The following SYT12 variants were observed in gnomAD, a reference collection of about 807,000 sequenced individuals.
SYT12 encodes the protein synaptotagmin-12.
SYT12 carries 27 observed loss-of-function variants against 39.5 expected under a neutral mutation model. The ratio of observed to expected loss-of-function variants is 0.68; its 90% CI spans 0.50 to 0.94. The LOEUF (loss-of-function observed/expected upper bound fraction) is 0.94. SYT12 is among the 40% of genes least tolerant of loss of function. SYT12 has a pLI of 0.00. For synonymous variants in SYT12, 233 were observed against 239.7 expected, an observed-to-expected ratio of 0.97 and a Z score of 0.26; for missense variants, 536 against 572.6, an observed-to-expected ratio of 0.94 and a Z score of 0.65.
chr11:67,040,337 G>A (rs1426334920), intron 4 of SYT12, 134 bp downstream of exon 4: 33 of 1,267,330 alleles, frequency 2.6e-5, no homozygotes, highest in Non-Finnish European at 3.5e-5. Context: ...TCCCAGAGCT[G>A]AAGCTTCAGA....
At chr11:67,016,919 A>T (rs1950063410) in intron 3 of SYT12, among the ~76,000 whole-genome samples, 1 of 152,212 alleles carries the variant, frequency 6.6e-6, no homozygotes, top group Non-Finnish European at 1.5e-5. Context: ...GCTGTTGAGG[A>T]TTACATGAGG....
chr11:67,044,619 G>C lies in SYT12; in HGVS notation c.864G>C (p.Leu288=), dbSNP rs1022231324. ...NKAADAVGEI[L]LSLSYLPTAE... ...CCGCCGATGCTGTGGGGGAGATCCT[G>C]CTCTCCCTCAGCTACCTCCCCACAG... The change falls in exon 6 of 8, where the codon CTG becomes CTC. Residue 288 remains leucine (L), a synonymous_variant. Transcript: ENST00000527043. 1.2e-6 allele frequency: 2 copies of C among 1,613,150 alleles called. No individual in the cohort carries two copies. The highest frequency in any genetic ancestry group is 1.7e-6 in the Non-Finnish European group (2 of 1,179,934).
In SYT12 at chr11:67,030,103, A is replaced by G; in HGVS notation, c.-23-19A>G. The G allele has an allele frequency of 6.2e-7, 1 of 1,612,098 alleles. No homozygotes were observed. Among genetic ancestry groups the G allele is most frequent in the Admixed American group, 1.7e-5 (1 of 59,946 alleles). Reference sequence around the variant, plus strand: ...TGACTCTCTGCAGCCCTCTCCTCTCACTCTCTTTTCCCTTCCAGTCACAGT... The same window carrying G: ...TGACTCTCTGCAGCCCTCTCCTCTCGCTCTCTTTTCCCTTCCAGTCACAGT... On this transcript the variant is annotated intron_variant, in intron 1 of 7. Transcript: ENST00000527043.
intron 2 of SYT12, chr11:67,030,687 G>GA (rs1367428030): frequency 9.9e-5 from 15 of 151,812 alleles, no homozygotes; most frequent in Non-Finnish European, 1.9e-4. Flanking sequence ...CGTCTCATCA[G>GA]AAAAAAAAAG....
intron 7 of SYT12, 109 bp from the exon 8 acceptor site, chr11:67,048,475 C>A: frequency 1.7e-6 from 2 of 1,184,610 alleles, no homozygotes; most frequent in Non-Finnish European, 2.4e-6. Context: ...ATTCAGGGAG[C>A]TGTGCCTGGC....
rs150066386 is a variant in SYT12 at position 67,034,926 on chromosome 11, C to T, written c.228+88C>T. ...GATCAGTCTTCAGCCCCTCTCCCTC[C>T]GTCACCACCTCCTCCTGGTTAATGT... On this transcript the variant is annotated intron_variant, in intron 3 of 7. Transcript: ENST00000527043. 2.0e-4 allele frequency: 198 copies of T among 1,014,922 alleles called. 1 individual carries two copies. In the Middle Eastern group the frequency reaches 4.2e-3, roughly 21 times the overall value. 62.9% of individuals were successfully genotyped at this position (1,014,922 alleles called of 1,614,324 possible).
chr11:67,020,707 G>A (rs1950100218), upstream of SYT12, among the ~76,000 whole-genome samples: 1 of 152,110 alleles, frequency 6.6e-6, no homozygotes, highest in Non-Finnish European at 1.5e-5. Context: ...TCCAGCTTCT[G>A]TTGCTCAGCA....
intron 2 of SYT12, 96 bp from the exon 3 acceptor site, chr11:67,034,549 A>G (rs1950323114): frequency 9.0e-7 from 1 of 1,115,740 alleles, no homozygotes; most frequent in South Asian, 1.6e-5. Context: ...TAGGCATTCA[A>G]TAAATATCCA....
At chr11:67,018,045 T>C (rs1346296327) in intron 3 of SYT12, among the ~76,000 whole-genome samples, 1 of 150,796 alleles carries the variant, frequency 6.6e-6, no homozygotes, top group Non-Finnish European at 1.5e-5. Context: ...GTGGATCACT[T>C]AAGGTCAGAA....
chr11:67,038,807 T>C (rs996633176), intron 3 of SYT12, among the ~76,000 whole-genome samples: 22 of 146,794 alleles, frequency 1.5e-4, no homozygotes, highest in African/African-American at 4.3e-4. Flanking sequence ...GCCAACATAC[T>C]GAAACCCTGT....
At chr11:67,015,171 C>T (rs1365941040) in intron 3 of SYT12, among the ~76,000 whole-genome samples, 2 of 152,156 alleles carry the variant, frequency 1.3e-5, no homozygotes, top group African/African-American at 2.4e-5. Flanking sequence ...CTTAAGCTTC[C>T]CCCAACCAAG....
chr11:67,040,264 A>G, intron 4 of SYT12, 61 bp downstream of exon 4: 1 of 1,521,568 alleles, frequency 6.6e-7, no homozygotes, highest in Non-Finnish European at 8.8e-7. Flanking sequence ...CCTCCCAGGC[A>G]GGCATGGCGG....
At chr11:67,042,941 G>C (rs1346494741) in intron 4 of SYT12, among the ~76,000 whole-genome samples, 1 of 152,198 alleles carries the variant, frequency 6.6e-6, no homozygotes, top group African/African-American at 2.4e-5. Flanking sequence ...AATCCCACCA[G>C]GGGGTGCTGC....
chr11:67,009,940 A>C (rs1193836097), exon 2 of SYT12: 2 of 152,368 alleles, frequency 1.3e-5, no homozygotes, highest in African/African-American at 4.8e-5. Context: ...TGAAGAGTTT[A>C]CATCCTCTGG....
chr11:67,042,979 A>G (rs1214816593), intron 4 of SYT12, among the ~76,000 whole-genome samples: 1 of 152,184 alleles, frequency 6.6e-6, no homozygotes, highest in East Asian at 1.9e-4. Context: ...CCCCAGCCTC[A>G]GGCAGGGTCC....
At chr11:67,025,935 A>G (rs1282217664) in intron 1 of SYT12, among the ~76,000 whole-genome samples, 2 of 152,056 alleles carry the variant, frequency 1.3e-5, no homozygotes, top group East Asian at 3.9e-4. Flanking sequence ...CAGCTCTACC[A>G]CCGCTGGCTG....
rs553624813 is a variant in SYT12, at chr11:67,042,244, T to C, written c.622-1394T>C. 1.3e-4 allele frequency among the ~76,000 whole-genome samples: 20 copies of C among 152,274 alleles called. No individual in the cohort carries two copies. In the South Asian group the frequency reaches 4.1e-3, roughly 32 times the overall value. On this transcript the variant is annotated intron_variant, in intron 4 of 7. Transcript: ENST00000527043. Reference sequence around the variant, plus strand: ...ATTGAGGAAGAGATGGGTTAATGTATGTGAAGTTCTTAGCCCAGCCTGGGT... The same window carrying C: ...ATTGAGGAAGAGATGGGTTAATGTACGTGAAGTTCTTAGCCCAGCCTGGGT...
chr11:67,036,230 C>T (rs1395176574), intron 3 of SYT12, among the ~76,000 whole-genome samples: 1 of 152,072 alleles, frequency 6.6e-6, no homozygotes, highest in Non-Finnish European at 1.5e-5. Flanking sequence ...CTCTTTTCAC[C>T]TCCCTTGTAG....
rs558065570 is a variant in SYT12, at chr11:67,034,869, G to A, written c.228+31G>A. 3.6e-5 allele frequency: 54 copies of A among 1,481,752 alleles called. No individual in the cohort carries two copies. In the East Asian group the frequency reaches 1.3e-3, roughly 35 times the overall value. The allele number at this position is 1,481,752 out of a possible 1,614,324, so 91.8% of individuals were successfully genotyped here. ...GCTTCTGCTCCTGCAGGTGCACAGC[G>A]AGTGCAACCCCATGCCCCTACCATC... On this transcript the variant is annotated intron_variant, in intron 3 of 7. Coordinates refer to ENST00000527043, the MANE Select transcript of SYT12 (RefSeq NM_177963.4).
Sources: gnomAD v4.1 joint callset for allele counts (sites outside exome capture counted in the v4.1 genomes callset) on GRCh38, gnomAD v4.1.1 for gene constraint, MANE v1.5 for transcripts, NCBI Gene and HGNC (gene_info 2026-07-23, HGNC 2026-07-21) for gene names.